Variants in KDM2B observed in about 807,000 individuals in gnomAD.
KDM2B encodes lysine demethylase 2B.
KDM2B carries 26 observed loss-of-function variants against 150.0 expected under a neutral mutation model. That is an observed-to-expected ratio of 0.17 (90% CI 0.13 to 0.24). KDM2B has a LOEUF of 0.24. Among genes scored for constraint, KDM2B ranks in the 10% least tolerant of loss-of-function variants. KDM2B has a pLI of 1.00. For synonymous variants in KDM2B, 734 were observed against 729.5 expected (o/e 1.01, Z -0.10); for missense variants, 1,265 against 1,816.9 (o/e 0.70, Z 5.52).
chr12:121,522,222 T>C (rs782177329), intron 8 of KDM2B, among the ~76,000 whole-genome samples: 7 of 151,468 alleles, frequency 4.6e-5, no homozygotes, highest in East Asian at 2.0e-4. Flanking sequence ...AAAAAGTATA[T>C]ACTATATTCA....
Position 121,442,526 on chromosome 12 carries a change from G to A in KDM2B, c.2915C>T (p.Pro972Leu). 6.3e-7 allele frequency: 1 copy of A among 1,599,714 alleles called. No individual in the cohort carries two copies. The highest frequency in any genetic ancestry group is 8.5e-7 in the Non-Finnish European group (1 of 1,179,852). The change falls in exon 19 of 23, where the codon CCC becomes CTC. Residue 972 changes from proline (P) to leucine (L), a missense_variant. Coordinates refer to ENST00000377071, the MANE Select transcript of KDM2B (RefSeq NM_032590.5). The surrounding 1 kb of genome is among the most constrained non-coding windows in gnomAD (Gnocchi z 7.7). ...CTCGCTCTCAGGCTCCGACTTGATG[G>A]GCTGCTGGTTCTCGTTGGCCAGGCT... ...ENSLANENQQ[P>L]IKSEPESEGE...
downstream of KDM2B, among the ~76,000 whole-genome samples, chr12:121,425,668 C>T (rs1427580419): frequency 6.6e-6 from 1 of 152,140 alleles, no homozygotes; most frequent in African/African-American, 2.4e-5. Context: ...TGTTTGTCTG[C>T]AACCACAATT....
chr12:121,461,644 C>A (rs1464580002), intron 12 of KDM2B, among the ~76,000 whole-genome samples: 1 of 151,934 alleles, frequency 6.6e-6, no homozygotes, highest in Non-Finnish European at 1.5e-5. Flanking sequence ...CAAGGGGGCT[C>A]GGGAGAGGGG....
chr12:121,487,095 A>G (rs1555299044), intron 12 of KDM2B, among the ~76,000 whole-genome samples: 2 of 152,196 alleles, frequency 1.3e-5, no homozygotes, highest in African/African-American at 4.8e-5. Context: ...AGCTATGATC[A>G]CACCACTTGT....
In KDM2B at chr12:121,430,013, C is replaced by T. The variant is rs782046225; in HGVS notation, c.*275G>A. The stretch of plus-strand genomic sequence containing the variant: ...TCAGTATGAGAATTTCTCCGAAGTC[C>T]ACCCTCCTCTCCGACAGGAATGTCT... On this transcript the variant is annotated 3_prime_UTR_variant, in exon 23 of 23. Transcript: ENST00000377071. This position sits in a 1 kb window ranked among gnomAD's most constrained non-coding sequence, Gnocchi z 4.4. The T allele has an allele frequency of 5.9e-6, 6 of 1,011,276 alleles. No individual in the cohort carries two copies. The highest frequency in any genetic ancestry group is 1.6e-5 in the African/African-American group (1 of 63,060). The allele number at this position is 1,011,276 out of a possible 1,614,324, so 62.6% of individuals were successfully genotyped here.
intron 9 of KDM2B, chr12:121,516,385 G>A: frequency 2.4e-6 from 2 of 837,444 alleles, no homozygotes; most frequent in Admixed American, 2.8e-5. Context: ...TGCTGATGAA[G>A]GAATTCAAAT....
In KDM2B at chr12:121,444,304, C is replaced by T. The variant is rs782718364; in HGVS notation, c.2191-32G>A. On this transcript the variant is annotated intron_variant, in intron 15 of 22. Coordinates refer to ENST00000377071, the MANE Select transcript of KDM2B (RefSeq NM_032590.5). ...GGCCAAAAAGAGAGAATGAACAGAC[C>T]AACTGTATACCTTTGGACTTGCCCT... 7.4e-6 allele frequency: 12 copies of T among 1,611,730 alleles called. No homozygotes were observed. In the East Asian group the frequency reaches 2.5e-4, roughly 33 times the overall value.
At position 121,459,745 on chromosome 12, in the gene KDM2B, G is replaced by A. The variant is rs150017041; in HGVS notation, c.1735-6401C>T. On this transcript the variant is annotated intron_variant, in intron 12 of 22. Coordinates refer to ENST00000377071, the MANE Select transcript of KDM2B (RefSeq NM_032590.5). ...CTCAGGAGGCTGAGGCAAGAGAATC[G>A]CTTGAACCCAGGAGGCAGAGGTTGC... Among the ~76,000 whole-genome samples the A allele has an allele frequency of 5.1e-3, 766 of 151,582 alleles. 8 individuals carry two copies. Among genetic ancestry groups the A allele is most frequent in the African/African-American group, 0.017 (712 of 41,296 alleles).
intron 21 of KDM2B, 116 bp from the exon 22 acceptor site, chr12:121,440,191 T>G (rs1874736692): frequency 1.4e-6 from 1 of 693,184 alleles, no homozygotes; most frequent in Admixed American, 2.7e-5. Flanking sequence ...TTTCATTTAG[T>G]TATAAACTGC....
the KDM2B span, among the ~76,000 whole-genome samples, chr12:121,421,109 G>A: frequency 2.0e-5 from 3 of 151,904 alleles, no homozygotes; most frequent in Non-Finnish European, 2.9e-5. Context: ...GCCTTTGGCC[G>A]GCCAGTACCT....
chr12:121,442,467 C>T lies in KDM2B; in HGVS notation c.2974G>A (p.Glu992Lys). The change falls in exon 19 of 23, where the codon GAG (glutamate) becomes AAG (lysine). Residue 992 changes from glutamate (E) to lysine (K), a missense_variant. Around this residue, in one of 11 missense-constraint regions of KDM2B, gnomAD observed 418 missense variants for 402.4 expected, o/e 1.04. Coordinates refer to ENST00000377071, the MANE Select transcript of KDM2B (RefSeq NM_032590.5). This position sits in a 1 kb window ranked among gnomAD's most constrained non-coding sequence, Gnocchi z 7.7. ...CCCTTGCTGAAGCGGTGGGGACGCT[C>T]GCAGATGCCCGGGGGCCGCTTGGGC... ...EEPKRPPGIC[E>K]RPHRFSKGLN... is the part of the protein sequence containing the mutation. The T allele has an allele frequency of 6.3e-7, 1 of 1,599,574 alleles. No homozygotes were observed. The highest frequency in any genetic ancestry group is 1.1e-5 in the South Asian group (1 of 91,046).
chr12:121,493,965 T>C (rs1232994940), intron 12 of KDM2B: 1 of 152,594 alleles, frequency 6.6e-6, no homozygotes. Context: ...GTTCAAGTGA[T>C]TCTCCTGCCT....
In KDM2B at chr12:121,509,948, C is replaced by T; in HGVS notation, c.1266G>A (p.Glu422=). Residue 422 remains glutamate (E), a synonymous_variant, in exon 11 of 23, where the codon GAG becomes GAA. Transcript: ENST00000377071. ...CCTCGCCCTCCTCGTCCTTCTCCTC[C>T]TCCTCCTGAGGCTGCTGATCACAGG... ...EEACDQQPQE[E]EEKDEEGEGR... 6.2e-7 allele frequency: 1 copy of T among 1,612,018 alleles called. No individual in the cohort carries two copies. The highest frequency in any genetic ancestry group is 8.5e-7 in the Non-Finnish European group (1 of 1,179,204).
In KDM2B at chr12:121,549,152, T is replaced by C. The variant is rs957693065; in HGVS notation, c.577-169A>G. ...CAGGGATGACAGGACCCACACTTTGTAGAAGGGAAGGAGATGAAACAGTCG... is the reference window on the plus strand; with the variant it reads ...CAGGGATGACAGGACCCACACTTTGCAGAAGGGAAGGAGATGAAACAGTCG... On this transcript the variant is annotated intron_variant, in intron 5 of 22. Coordinates refer to ENST00000377071, the MANE Select transcript of KDM2B (RefSeq NM_032590.5). This position sits in a 1 kb window ranked among gnomAD's most constrained non-coding sequence, Gnocchi z 4.4. 6.6e-6 allele frequency among the ~76,000 whole-genome samples: 1 copy of C among 152,060 alleles called. No individual in the cohort carries two copies. The highest frequency in any genetic ancestry group is 2.4e-5 in the African/African-American group (1 of 41,386).
chr12:121,441,093 C>T lies in KDM2B; in HGVS notation c.3425G>A (p.Ser1142Asn). The T allele has an allele frequency of 6.2e-7, 1 of 1,614,162 alleles. No homozygotes were observed. Among genetic ancestry groups the T allele is most frequent in the South Asian group, 1.1e-5 (1 of 91,086 alleles). The change falls in exon 20 of 23, where the codon AGC (serine) becomes AAC (asparagine). Residue 1142 changes from serine (S) to asparagine (N), a missense_variant. Physicochemically the swap from Ser to Asn is conservative, Grantham distance 46. Coordinates refer to ENST00000377071, the MANE Select transcript of KDM2B (RefSeq NM_032590.5). ...ACCAGGCAGCCGGTTGATGAGCCAG[C>T]TCAGCTGCTTCTTGGAGATATTGGT... ...SWTNISKKQL[S>N]WLINRLPGLR...
intron 16 of KDM2B, 98 bp from the exon 17 acceptor site, chr12:121,443,891 G>A: frequency 7.0e-7 from 1 of 1,430,256 alleles, no homozygotes; most frequent in Admixed American, 2.0e-5. Flanking sequence ...GCTCAGGGCA[G>A]CAAGAGGCCG....
intron 4 of KDM2B, among the ~76,000 whole-genome samples, chr12:121,570,104 G>A (rs1167234610): frequency 6.6e-6 from 1 of 152,152 alleles, no homozygotes; most frequent in Non-Finnish European, 1.5e-5. Flanking sequence ...AGGCTGGAGT[G>A]CAATGGCCAA....
chr12:121,563,139 G>A (rs143878890), intron 4 of KDM2B, among the ~76,000 whole-genome samples: 19 of 152,008 alleles, frequency 1.2e-4, no homozygotes, highest in Admixed American at 3.3e-4. Context: ...GCAACATAGC[G>A]AGACTCATCT....
chr12:121,523,870 C>T (rs1886903063), intron 8 of KDM2B, among the ~76,000 whole-genome samples: 1 of 152,224 alleles, frequency 6.6e-6, no homozygotes, highest in Non-Finnish European at 1.5e-5. Context: ...TCGAGCTCCC[C>T]AGCTTCCCAT....
Sources: allele counts gnomAD v4.1 joint callset (sites outside exome capture counted in the v4.1 genomes callset), GRCh38; gene constraint gnomAD v4.1.1; regional missense constraint gnomAD v4.1.1; non-coding constraint Gnocchi (gnomAD v3.1); transcripts MANE v1.5; gene names NCBI Gene and HGNC (gene_info 2026-07-23, HGNC 2026-07-21).